The following ISM1 variants were observed in gnomAD, a reference collection of about 807,000 sequenced individuals.
ISM1 encodes the protein isthmin-1.
Under a neutral mutation model 46.3 loss-of-function variants are expected in ISM1, and 25 were observed. The ratio of observed to expected loss-of-function variants is 0.54; its 90% CI spans 0.39 to 0.75. The LOEUF (loss-of-function observed/expected upper bound fraction) is 0.75. ISM1 is among the 30% of genes least tolerant of loss of function. The pLI, the probability that ISM1 is intolerant of heterozygous loss-of-function variation, is 0.00. For missense variants in ISM1, 536 were observed against 625.4 expected, an observed-to-expected ratio of 0.86 and a Z score of 1.52; for synonymous variants, 255 against 256.7, an observed-to-expected ratio of 0.99 and a Z score of 0.06.
At chr20:13,308,015 G>C in the ISM1 span, among the ~76,000 whole-genome samples, 2 of 152,172 alleles carry the variant, frequency 1.3e-5, no homozygotes, top group African/African-American at 4.8e-5. Context: ...TGGTTGTCCT[G>C]GTGGACACTC....
At chr20:13,266,282 G>A (rs904888515) in intron 1 of ISM1, among the ~76,000 whole-genome samples, 3 of 152,200 alleles carry the variant, frequency 2.0e-5, no homozygotes, top group Non-Finnish European at 2.9e-5. Context: ...ATGCTAGGCT[G>A]TAAGAAGAGG....
the ISM1 span, among the ~76,000 whole-genome samples, chr20:13,316,419 G>A: frequency 6.6e-6 from 1 of 151,698 alleles, no homozygotes. Context: ...AGAAGTAGAG[G>A]GAATTATTAT....
chr20:13,281,489 C>G (rs2040237870), intron 3 of ISM1, among the ~76,000 whole-genome samples: 1 of 152,166 alleles, frequency 6.6e-6, no homozygotes, highest in Non-Finnish European at 1.5e-5. Context: ...TTCATTAAAT[C>G]AGCTCTCTGA....
chr20:13,258,479 C>G (rs1380572860), intron 1 of ISM1, among the ~76,000 whole-genome samples: 1 of 152,110 alleles, frequency 6.6e-6, no homozygotes, highest in Non-Finnish European at 1.5e-5. Context: ...CTTAGTTACC[C>G]ACTTGGAGGG....
rs1433397348 is a variant in ISM1 at position 13,299,153 on chromosome 20, C to T, written c.1089C>T (p.Pro363=). 4 of 1,611,796 alleles carry T rather than the reference C, an allele frequency of 2.5e-6. No individual in the cohort carries two copies. Residue 363 remains proline (P), a synonymous_variant, in exon 6 of 6, where the codon CCC becomes CCT. Coordinates refer to ENST00000262487, the MANE Select transcript of ISM1 (RefSeq NM_080826.2). This position sits in a 1 kb window ranked among gnomAD's most constrained non-coding sequence, Gnocchi z 5.8. ...AGGAGAAGCTGGAGATCTACAAGCCCACTGCCCGGTACTGCATCCGCTCCA... is the reference window on the plus strand; with the variant it reads ...AGGAGAAGCTGGAGATCTACAAGCCTACTGCCCGGTACTGCATCCGCTCCA... ...GPKEKLEIYK[P]TARYCIRSML...
intron 5 of ISM1, among the ~76,000 whole-genome samples, chr20:13,295,188 G>A (rs1334300370): frequency 1.3e-5 from 2 of 152,130 alleles, no homozygotes; most frequent in African/African-American, 4.8e-5. Context: ...CCTGGCAGCT[G>A]TAACTCTCTG....
At chr20:13,290,529 G>A (rs2040341387) in intron 4 of ISM1, among the ~76,000 whole-genome samples, 1 of 152,056 alleles carries the variant, frequency 6.6e-6, no homozygotes, top group Non-Finnish European at 1.5e-5. Flanking sequence ...GGCGCCTGTA[G>A]TCCCAGCTAC....
chr20:13,261,895 A>G (rs868313239), intron 1 of ISM1, among the ~76,000 whole-genome samples: 1 of 152,248 alleles, frequency 6.6e-6, no homozygotes, highest in Middle Eastern at 3.4e-3. Context: ...CCCTCTCACC[A>G]ACAGAACACC....
chr20:13,280,630 T>C (rs1379170318), intron 3 of ISM1, among the ~76,000 whole-genome samples: 1 of 152,230 alleles, frequency 6.6e-6, no homozygotes, highest in Admixed American at 6.5e-5. Flanking sequence ...CTGGATATTC[T>C]GTGTCCAGCT....
At chr20:13,326,384 G>A in the ISM1 span, among the ~76,000 whole-genome samples, 1 of 152,058 alleles carries the variant, frequency 6.6e-6, no homozygotes, top group South Asian at 2.1e-4. Context: ...TTCGATTTAA[G>A]TATATGTATA....
At chr20:13,323,953 T>C in the ISM1 span, among the ~76,000 whole-genome samples, 2 of 152,134 alleles carry the variant, frequency 1.3e-5, no homozygotes, top group African/African-American at 4.8e-5. Flanking sequence ...TCTTTCTGAG[T>C]TTCTATTTAG....
chr20:13,303,076 A>G (rs1600576750), downstream of ISM1, among the ~76,000 whole-genome samples: 1 of 152,214 alleles, frequency 6.6e-6, no homozygotes, highest in African/African-American at 2.4e-5. Context: ...CGGCATTATT[A>G]CATCCAGTCT....
intron 1 of ISM1, among the ~76,000 whole-genome samples, chr20:13,231,375 AG>A (rs1469866880): frequency 6.6e-6 from 1 of 152,226 alleles, no homozygotes; most frequent in African/African-American, 2.4e-5. Context: ...TGGGCTGCAA[AG>A]GTCACGCCTA....
chr20:13,230,765 A>AG (rs1308247903), intron 1 of ISM1, among the ~76,000 whole-genome samples: 1 of 151,972 alleles, frequency 6.6e-6, no homozygotes, highest in Non-Finnish European at 1.5e-5. Flanking sequence ...AGAAAAGAAA[A>AG]GAAAAAAAAA....
At chr20:13,225,501 G>A (rs73091461) in intron 1 of ISM1, among the ~76,000 whole-genome samples, 11,562 of 151,974 alleles carry the variant, frequency 0.076, 473 homozygotes, top group African/African-American at 0.087. Context: ...TTTTTTTGTA[G>A]TTTCAGCGCA....
chr20:13,224,841 C>CTT lies in ISM1; in HGVS notation c.138+2948_138+2949dup, dbSNP rs1162270732. The stretch of plus-strand genomic sequence containing the variant: ...CACTTTACACATACTAGCTTTCTTT[C>CTT]TTTTTTTTTTTTTTTTTTTTTTGAG... On this transcript the variant is annotated intron_variant, in intron 1 of 5. Transcript: ENST00000262487. 3.5e-3 allele frequency among the ~76,000 whole-genome samples: 379 copies of CTT among 107,198 alleles called. 1 individual carries two copies. The highest frequency in any genetic ancestry group is 5.6e-3 in the Middle Eastern group (1 of 180). 70.3% of individuals were successfully genotyped at this position (107,198 alleles called of 152,430 possible).
chr20:13,309,951 A>T, the ISM1 span, among the ~76,000 whole-genome samples: 2 of 152,280 alleles, frequency 1.3e-5, no homozygotes, highest in East Asian at 3.9e-4. Context: ...AAAAATAAAC[A>T]CTTGAAAAAA....
chr20:13,267,591 T>G (rs2040057419), intron 1 of ISM1, among the ~76,000 whole-genome samples: 2 of 152,154 alleles, frequency 1.3e-5, no homozygotes, highest in South Asian at 2.1e-4. Flanking sequence ...GGGGTTTGCT[T>G]GGTCTGGGGC....
At chr20:13,248,556 C>A (rs1425178871) in intron 1 of ISM1, among the ~76,000 whole-genome samples, 1 of 152,222 alleles carries the variant, frequency 6.6e-6, no homozygotes, top group Non-Finnish European at 1.5e-5. Flanking sequence ...GACCATTGAA[C>A]TTTACCTCTT....
Sources: gnomAD v4.1 joint callset for allele counts (sites outside exome capture counted in the v4.1 genomes callset) on GRCh38, gnomAD v4.1.1 for gene constraint, Gnocchi (gnomAD v3.1) non-coding constraint, MANE v1.5 for transcripts, NCBI Gene and HGNC (gene_info 2026-07-23, HGNC 2026-07-21) for gene names.